Variants in MAST4 observed in about 807,000 individuals in gnomAD.
The protein encoded by MAST4 is microtubule-associated serine/threonine-protein kinase 4.
MAST4 carries 89 observed loss-of-function variants against 162.7 expected under a neutral mutation model. That is an observed-to-expected ratio of 0.55 (90% CI 0.46 to 0.65). The LOEUF (loss-of-function observed/expected upper bound fraction) is 0.65. MAST4 is among the 30% of genes least tolerant of loss of function. The probability of loss-of-function intolerance (pLI) is 0.00; values close to 1 mark genes in which losing one functional copy is unlikely to be tolerated. For synonymous variants in MAST4, 1,479 were observed against 1,361.1 expected (o/e 1.09, Z -1.91); for missense variants, 3,153 against 3,374.0 (o/e 0.93, Z 1.62).
intron 1 of MAST4, among the ~76,000 whole-genome samples, chr5:66,705,432 A>C (rs1180663008): frequency 6.6e-6 from 1 of 152,148 alleles, no homozygotes; most frequent in Non-Finnish European, 1.5e-5. Context: ...AAAAGATATA[A>C]ATGATAAAAG....
chr5:67,049,045 G>GTATATC (rs1757808003), intron 4 of MAST4, among the ~76,000 whole-genome samples: 1 of 100,562 alleles, frequency 9.9e-6, no homozygotes, highest in Non-Finnish European at 1.9e-5. Flanking sequence ...ATATATACGT[G>GTATATC]TATATATATA....
At chr5:67,075,302 A>C (rs1761503995) in intron 5 of MAST4, among the ~76,000 whole-genome samples, 1 of 151,614 alleles carries the variant, frequency 6.6e-6, no homozygotes, top group Non-Finnish European at 1.5e-5. Context: ...CTCCTTAGTA[A>C]CTGAGAACTA....
intron 4 of MAST4, among the ~76,000 whole-genome samples, chr5:66,994,342 A>G (rs1255470598): frequency 6.6e-6 from 1 of 152,006 alleles, no homozygotes; most frequent in African/African-American, 2.4e-5. Flanking sequence ...TTTTCTTTTC[A>G]GTTTTCTATT....
At position 66,811,131 on chromosome 5, in the gene MAST4, C is replaced by T. The variant is rs372314029; in HGVS notation, c.642+22337C>T. ...GTGGCTCATGTTGGCCTCTCCTGTG[C>T]GGCCACCTGGGCTCCCTCACAGTTG... On this transcript the variant is annotated intron_variant, in intron 3 of 28. Transcript: ENST00000403625. 2.8e-4 allele frequency among the ~76,000 whole-genome samples: 43 copies of T among 152,232 alleles called. 1 individual carries two copies. The highest frequency in any genetic ancestry group is 9.6e-4 in the African/African-American group (40 of 41,546).
chr5:66,803,667 G>T (rs1561342407), intron 3 of MAST4, among the ~76,000 whole-genome samples: 1 of 152,120 alleles, frequency 6.6e-6, no homozygotes, highest in Non-Finnish European at 1.5e-5. Context: ...TGGGAATTCA[G>T]TTGGCTTTAT....
intron 3 of MAST4, among the ~76,000 whole-genome samples, chr5:66,822,624 G>A (rs1468681388): frequency 6.6e-6 from 1 of 152,086 alleles, no homozygotes; most frequent in Non-Finnish European, 1.5e-5. Context: ...TGCCCAGGGG[G>A]GTATCTCTAG....
intron 4 of MAST4, among the ~76,000 whole-genome samples, chr5:66,916,362 A>T (rs927463672): frequency 4.6e-5 from 7 of 152,218 alleles, no homozygotes; most frequent in Non-Finnish European, 8.8e-5. Context: ...AGTAGCCCCA[A>T]ATGAACACAA....
At chr5:66,615,773 A>G (rs1393108887) in intron 1 of MAST4, among the ~76,000 whole-genome samples, 1 of 152,182 alleles carries the variant, frequency 6.6e-6, no homozygotes, top group East Asian at 1.9e-4. Flanking sequence ...GCACCACTGC[A>G]CTGCAATCTG....
intron 7 of MAST4, among the ~76,000 whole-genome samples, chr5:67,097,875 A>G (rs1445475533): frequency 6.6e-6 from 1 of 152,100 alleles, no homozygotes; most frequent in Non-Finnish European, 1.5e-5. Context: ...GATAAAAGTG[A>G]TGAGCGAAAA....
chr5:67,165,024 G>C lies in MAST4; in HGVS notation c.5845G>C (p.Asp1949His), dbSNP rs1329122771. Reference sequence around the variant, plus strand: ...CCTGGGGCAGAACCTCCACAGCCCTGACCTGGCCAGGCCACGCTGCCCGCT... The same window carrying C: ...CCTGGGGCAGAACCTCCACAGCCCTCACCTGGCCAGGCCACGCTGCCCGCT... ...TCLGQNLHSPDLARPRCPLPP... is the reference protein window; with the variant it reads ...TCLGQNLHSPHLARPRCPLPP... Residue 1949 changes from aspartate (D) to histidine (H), a missense_variant, in exon 29 of 29, where the codon GAC becomes CAC. Coordinates refer to ENST00000403625, the MANE Select transcript of MAST4 (RefSeq NM_001164664.2). 1 of 1,612,784 alleles carries C rather than the reference G, an allele frequency of 6.2e-7. No individual in the cohort carries two copies. The highest frequency in any genetic ancestry group is 8.5e-7 in the Non-Finnish European group (1 of 1,179,334).
intron 3 of MAST4, among the ~76,000 whole-genome samples, chr5:66,827,426 T>C (rs1757319360): frequency 1.3e-5 from 2 of 152,216 alleles, no homozygotes; most frequent in African/African-American, 4.8e-5. Flanking sequence ...TGGAGATATA[T>C]GCAAAGACCG....
chr5:66,947,188 T>C (rs1744133036), intron 4 of MAST4, among the ~76,000 whole-genome samples: 1 of 152,150 alleles, frequency 6.6e-6, no homozygotes. Context: ...TTCTTTATTG[T>C]TGTTTCTGCC....
intron 14 of MAST4, among the ~76,000 whole-genome samples, chr5:67,127,630 T>C (rs1348826943): frequency 6.6e-6 from 1 of 152,144 alleles, no homozygotes; most frequent in Non-Finnish European, 1.5e-5. Context: ...ATATCAGTGC[T>C]TATCTTCTAT....
chr5:66,828,750 T>C (rs879602864), intron 3 of MAST4: 9 of 1,546,286 alleles, frequency 5.8e-6, no homozygotes, highest in South Asian at 2.4e-5. Context: ...TGTAAGTGTT[T>C]AGCAGCTGCC....
chr5:66,933,191 C>G (rs1287508658), intron 4 of MAST4, among the ~76,000 whole-genome samples: 1 of 152,138 alleles, frequency 6.6e-6, no homozygotes, highest in Non-Finnish European at 1.5e-5. Context: ...TTCTGATAAA[C>G]TCCCTATGCC....
In MAST4 at chr5:67,166,668, C is replaced by G. The variant is rs371775055; in HGVS notation, c.7489C>G (p.Pro2497Ala). The change falls in exon 29 of 29, where the codon CCC becomes GCC. Residue 2497 changes from proline (P) to alanine (A), a missense_variant. Pro to Ala is a conservative substitution (Grantham distance 27). Transcript: ENST00000403625. Reference protein sequence around the residue: ...AAGGMLELPAPSNRDHRKAQP... With the variant: ...AAGGMLELPAASNRDHRKAQP... ...CGGGGGCATGCTGGAGCTTCCAGCC[C>G]CCAGCAACAGGGACCATAGGAAGGC... 1.0e-5 allele frequency: 16 copies of G among 1,597,282 alleles called. No homozygotes were observed. In the African/African-American group the frequency reaches 2.1e-4, roughly 21 times the overall value.
Position 67,100,476 on chromosome 5 carries a change from C to G in MAST4, c.954C>G (p.Tyr318Ter). 6.2e-7 allele frequency: 1 copy of G among 1,613,902 alleles called. No individual in the cohort carries two copies. The highest frequency in any genetic ancestry group is 8.5e-7 in the Non-Finnish European group (1 of 1,179,838). The change falls in exon 8 of 29, where the codon TAC (tyrosine) becomes TAG (stop). Residue 318 changes from tyrosine (Y) to a stop codon, truncating the protein, a stop_gained. Transcript: ENST00000403625. LOFTEE classifies it high-confidence loss of function. Reference sequence around the variant, plus strand: ...AGGAGAAGTTGCATCAGTTACCATACCAACCAACACCAGACGAGTTACACT... The same window carrying G: ...AGGAGAAGTTGCATCAGTTACCATAGCAACCAACACCAGACGAGTTACACT... ...SSQEKLHQLP[Y>*]QPTPDELHFL...
intron 3 of MAST4, among the ~76,000 whole-genome samples, chr5:66,816,709 A>G (rs1394863516): frequency 6.6e-6 from 1 of 152,108 alleles, no homozygotes; most frequent in Non-Finnish European, 1.5e-5. Context: ...GCCTTTGCAC[A>G]TGCGGCTCTC....
At chr5:66,613,120 T>C (rs1170232526) in intron 1 of MAST4, among the ~76,000 whole-genome samples, 1 of 152,176 alleles carries the variant, frequency 6.6e-6, no homozygotes, top group Non-Finnish European at 1.5e-5. Context: ...TCTTGCTGTA[T>C]AGCCCAGGCA....
Sources: gnomAD v4.1 joint callset for allele counts (sites outside exome capture counted in the v4.1 genomes callset) on GRCh38, gnomAD v4.1.1 for gene constraint, MANE v1.5 for transcripts, NCBI Gene and HGNC (gene_info 2026-07-23, HGNC 2026-07-21) for gene names.